Variants in LSM3 observed in about 807,000 individuals in gnomAD.
The protein encoded by LSM3 is LSM3 homolog, U6 small nuclear RNA and mRNA degradation associated, also known as U6 snRNA-associated Sm-like protein LSm3.
In LSM3, 14 loss-of-function variants were observed where a neutral mutation model predicts 15.4. The ratio of observed to expected loss-of-function variants is 0.91; its 90% CI spans 0.60 to 1.42. LSM3 has a LOEUF of 1.42. Ranked by LOEUF, LSM3 falls within the 40% of genes most tolerant of loss-of-function variation. LSM3 has a pLI of 0.00. For missense variants in LSM3, 88 were observed against 127.9 expected, an observed-to-expected ratio of 0.69 and a Z score of 1.50; for synonymous variants, 46 against 45.1, an observed-to-expected ratio of 1.02 and a Z score of -0.08.
chr3:14,180,454 A>G (rs1391421658), intron 1 of LSM3, among the ~76,000 whole-genome samples: 1 of 151,822 alleles, frequency 6.6e-6, no homozygotes, highest in Non-Finnish European at 1.5e-5. Flanking sequence ...ACACCTGGCT[A>G]ATTTTTGTAT....
Position 14,200,667 on chromosome 3 carries a change from T to C in LSM3, c.*2551T>C, listed in dbSNP as rs558050616. On this transcript the variant is annotated 3_prime_UTR_variant, in exon 4 of 4. Transcript: ENST00000306024. ...AAAATATGGGACCACATCTTTGAGA[T>C]GAAATGTGCCCAAAATGAAAAGTAA... 5.3e-5 allele frequency: 8 copies of C among 152,194 alleles called. No homozygotes were observed. Among genetic ancestry groups the C allele is most frequent in the Non-Finnish European group, 1.0e-4 (7 of 68,020 alleles). 9.4% of individuals were successfully genotyped at this position (152,194 alleles called of 1,614,324 possible).
At chr3:14,187,068 A>G (rs993418283) in intron 3 of LSM3, among the ~76,000 whole-genome samples, 3 of 152,194 alleles carry the variant, frequency 2.0e-5, no homozygotes, top group African/African-American at 2.4e-5. Context: ...TGTGGTGTCT[A>G]TTACAGAGAA....
rs755432751 is a variant in LSM3 at position 14,178,867 on chromosome 3, G to A, written c.7G>A (p.Asp3Asn). The A allele has an allele frequency of 3.1e-6, 5 of 1,614,140 alleles. No individual in the cohort carries two copies. The South Asian group carries it at 3.3e-5, about 11-fold the overall frequency. MA[D>N]DVDQQQTTNT... ...AGGGCGCAGGGTTTGAAACATGGCG[G>A]ACGACGTAGACCAGGTAAGTGTATT... The change falls in exon 1 of 4, where the codon GAC (aspartate) becomes AAC (asparagine). Residue 3 changes from aspartate to asparagine, a missense_variant. Physicochemically the swap from Asp to Asn is conservative, Grantham distance 23 (BLOSUM62 1). Coordinates refer to ENST00000306024, the MANE Select transcript of LSM3 (RefSeq NM_014463.3).
chr3:14,187,428 T>A (rs888376534), intron 3 of LSM3, among the ~76,000 whole-genome samples: 1 of 152,228 alleles, frequency 6.6e-6, no homozygotes, highest in African/African-American at 2.4e-5. Context: ...ATGTATTGGG[T>A]AAAACATTTA....
rs564171619 is a variant in LSM3, at chr3:14,187,933, A to G, written c.228+3901A>G. ...ACCCAGACTACTTTTTCGGCTGTCC[A>G]TCATGTGTACTACCTTCCTTCACCA... On this transcript the variant is annotated intron_variant, in intron 3 of 3. Coordinates refer to ENST00000306024, the MANE Select transcript of LSM3 (RefSeq NM_014463.3). Among the ~76,000 whole-genome samples, 6 of 152,318 alleles carry G rather than the reference A, an allele frequency of 3.9e-5. No individual in the cohort carries two copies. In the South Asian group the frequency reaches 1.2e-3, roughly 32 times the overall value.
Position 14,185,350 on chromosome 3 carries a change from T to TCAAAA in LSM3, c.228+1339_228+1343dup, listed in dbSNP as rs920056075. Among the ~76,000 whole-genome samples, 22 of 149,148 alleles carry TCAAAA rather than the reference T, an allele frequency of 1.5e-4. No individual in the cohort carries two copies. In the East Asian group the frequency reaches 3.3e-3, roughly 22 times the overall value. On this transcript the variant is annotated intron_variant, in intron 3 of 3. Transcript: ENST00000306024. ...CTGGGGGACAGAGTAAGACTCTGTC[T>TCAAAA]CAAAACAAAACAAAACAAAACAAAA... is the stretch of plus-strand genomic sequence containing the variant.
chr3:14,180,865 A>G (rs1352110881), intron 1 of LSM3, among the ~76,000 whole-genome samples: 11 of 131,428 alleles, frequency 8.4e-5, no homozygotes, highest in African/African-American at 2.9e-4. Context: ...TTTAAAAAAA[A>G]AAAAGACAAG....
intron 3 of LSM3, among the ~76,000 whole-genome samples, chr3:14,191,667 C>T (rs1697140956): frequency 6.6e-6 from 1 of 151,954 alleles, no homozygotes; most frequent in South Asian, 2.1e-4. Flanking sequence ...TTTGATTCTT[C>T]TCTCCTTTCT....
Position 14,181,669 on chromosome 3 carries a change from A to G in LSM3, c.131A>G (p.His44Arg). 1.9e-6 allele frequency: 3 copies of G among 1,602,264 alleles called. No individual in the cohort carries two copies. Among genetic ancestry groups the G allele is most frequent in the Non-Finnish European group, 2.6e-6 (3 of 1,169,210 alleles). The stretch of plus-strand genomic sequence containing the variant: ...GACCGAGAGCTTCGAGGCAGATTAC[A>G]TGTAAGTAAATTTATCAAGTTACCT... ...RNDRELRGRL[H>R]AYDQHLNMIL... is the part of the protein sequence containing the mutation. The change falls in exon 2 of 4, where the codon CAT (histidine) becomes CGT (arginine). Residue 44 changes from histidine (H) to arginine (R), a missense_variant and splice_region_variant. His to Arg is a conservative substitution (Grantham distance 29). Coordinates refer to ENST00000306024, the MANE Select transcript of LSM3 (RefSeq NM_014463.3).
At chr3:14,185,432 AAAAC>A (rs1476915660) in intron 3 of LSM3, among the ~76,000 whole-genome samples, 2 of 152,216 alleles carry the variant, frequency 1.3e-5, no homozygotes, top group Non-Finnish European at 2.9e-5. Flanking sequence ...ACTATTTTCT[AAAAC>A]AAAATTTTAA....
At chr3:14,180,423 G>C (rs1332487114) in intron 1 of LSM3, among the ~76,000 whole-genome samples, 3 of 151,886 alleles carry the variant, frequency 2.0e-5, no homozygotes, top group African/African-American at 7.3e-5. Flanking sequence ...CAAGTAGCTG[G>C]GACTACAGGT....
At chr3:14,184,640 C>T (rs1015228238) in intron 3 of LSM3, among the ~76,000 whole-genome samples, 1 of 150,924 alleles carries the variant, frequency 6.6e-6, no homozygotes, top group Non-Finnish European at 1.5e-5. Flanking sequence ...GCCTGTAGTC[C>T]CAGCTACTTG....
chr3:14,184,180 A>G (rs1697065305), intron 3 of LSM3, 148 bp downstream of exon 3: 3 of 1,100,662 alleles, frequency 2.7e-6, no homozygotes, highest in Non-Finnish European at 3.6e-6. Context: ...GGGTTCTGGC[A>G]TCTGACAGAC....
At chr3:14,187,922 T>C (rs1697103828) in intron 3 of LSM3, among the ~76,000 whole-genome samples, 1 of 152,236 alleles carries the variant, frequency 6.6e-6, no homozygotes, top group African/African-American at 2.4e-5. Flanking sequence ...AGACTACTTT[T>C]TCGGCTGTCC....
In LSM3 at chr3:14,178,865, C is replaced by T. The variant is rs754590870; in HGVS notation, c.5C>T (p.Ala2Val). ...AAAGGGCGCAGGGTTTGAAACATGG[C>T]GGACGACGTAGACCAGGTAAGTGTA... is the stretch of plus-strand genomic sequence containing the variant. The part of the protein sequence containing the change: M[A>V]DDVDQQQTTN... The change falls in exon 1 of 4, where the codon GCG becomes GTG. Residue 2 changes from alanine (A) to valine (V), a missense_variant. Ala to Val is a moderately conservative substitution (Grantham distance 64). Transcript: ENST00000306024. The T allele has an allele frequency of 1.3e-5, 21 of 1,614,190 alleles. No individual in the cohort carries two copies. The highest frequency in any genetic ancestry group is 1.7e-5 in the Non-Finnish European group (20 of 1,180,016).
At position 14,179,022 on chromosome 3, in the gene LSM3, C is replaced by G. The variant is rs1249780396; in HGVS notation, c.21+141C>G. On this transcript the variant is annotated intron_variant, in intron 1 of 3. Coordinates refer to ENST00000306024, the MANE Select transcript of LSM3 (RefSeq NM_014463.3). ...CACCCTGTCCTTTCCGTAACCCCCC[C>G]TCCGAATTTTGCCGTAGGCCCTGAG... The G allele has an allele frequency of 4.4e-6, 4 of 908,182 alleles. No individual in the cohort carries two copies. The African/African-American group carries it at 6.6e-5, about 15-fold the overall frequency. 56.3% of individuals were successfully genotyped at this position (908,182 alleles called of 1,614,324 possible).
At position 14,198,873 on chromosome 3, in the gene LSM3, A is replaced by G. The variant is rs1697209490; in HGVS notation, c.*757A>G. The G allele has an allele frequency of 6.6e-6, 1 of 151,782 alleles. No homozygotes were observed. The highest frequency in any genetic ancestry group is 1.5e-5 in the Non-Finnish European group (1 of 68,046). The allele number at this position is 151,782 out of a possible 1,614,324, so 9.4% of individuals were successfully genotyped here. On this transcript the variant is annotated 3_prime_UTR_variant, in exon 4 of 4. Transcript: ENST00000306024. Reference sequence around the variant, plus strand: ...CTCCGTGTCAAAAAAAAAAAAAAAAAAGTTTTCTGCCCTCAAGTCTTCTGG... The same window carrying G: ...CTCCGTGTCAAAAAAAAAAAAAAAAGAGTTTTCTGCCCTCAAGTCTTCTGG...
At chr3:14,183,709 A>G (rs574821284) in intron 2 of LSM3, among the ~76,000 whole-genome samples, 1 of 152,346 alleles carries the variant, frequency 6.6e-6, no homozygotes, top group South Asian at 2.1e-4. Context: ...ATTTTTGGCA[A>G]TATAAGCAGT....
intron 3 of LSM3, 92 bp from the exon 4 acceptor site, chr3:14,197,944 C>A: frequency 9.0e-7 from 1 of 1,111,352 alleles, no homozygotes; most frequent in Non-Finnish European, 1.4e-6. Context: ...TTTTTTGTGT[C>A]ATGATGAATC....
Sources: allele counts gnomAD v4.1 joint callset (sites outside exome capture counted in the v4.1 genomes callset), GRCh38; gene constraint gnomAD v4.1.1; transcripts MANE v1.5; gene names NCBI Gene and HGNC (gene_info 2026-07-23, HGNC 2026-07-21).